The following TTC21A variants were observed in gnomAD, a reference collection of about 807,000 sequenced individuals.
TTC21A encodes tetratricopeptide repeat domain 21A, also known as tetratricopeptide repeat protein 21A.
In TTC21A, 128 loss-of-function variants were observed where a neutral mutation model predicts 156.4. The ratio of observed to expected loss-of-function variants is 0.82; its 90% confidence interval spans 0.71 to 0.95. The LOEUF (loss-of-function observed/expected upper bound fraction) is 0.95, where lower values mean the gene tolerates loss of function less well. Among genes scored for constraint, TTC21A ranks in the 40% least tolerant of loss-of-function variants. TTC21A has a pLI of 0.00. For missense variants in TTC21A, 1,435 were observed against 1,602.3 expected (o/e 0.90, Z 1.78); for synonymous variants, 587 against 617.1 (o/e 0.95, Z 0.72).
chr3:39,128,011 G>A (rs1453790914), intron 12 of TTC21A, among the ~76,000 whole-genome samples: 1 of 152,164 alleles, frequency 6.6e-6, no homozygotes, highest in Non-Finnish European at 1.5e-5. Flanking sequence ...TCTTAGGTGT[G>A]GGAATTGAGA....
intron 9 of TTC21A, among the ~76,000 whole-genome samples, 194 bp downstream of exon 9, chr3:39,121,383 A>G (rs2037756568): frequency 6.6e-6 from 1 of 152,216 alleles, no homozygotes; most frequent in African/African-American, 2.4e-5. Flanking sequence ...GCTCAGAGGT[A>G]TGATCAGAGT....
rs74881739 is a variant in TTC21A, at chr3:39,118,705, G to A, written c.801+552G>A. On this transcript the variant is annotated intron_variant, in intron 7 of 28. Transcript: ENST00000683103. ...AAGAAACCAAAAATAGCCCTCAAAT[G>A]CAGTCAGAAACACCTAGAATTCTTA... is the stretch of plus-strand genomic sequence containing the variant. 1,356 of 154,038 alleles carry A rather than the reference G, an allele frequency of 8.8e-3. 9 individuals carry two copies. The highest frequency in any genetic ancestry group is 0.015 in the Non-Finnish European group (1,040 of 69,136). The allele number at this position is 154,038 out of a possible 1,614,324, so 9.5% of individuals were successfully genotyped here. A position where few individuals can be genotyped will look rare whatever the true frequency, so the allele number is the denominator to read the frequency against.
intron 4 of TTC21A, among the ~76,000 whole-genome samples, chr3:39,111,713 T>TA (rs1307185839): frequency 1.3e-5 from 2 of 152,166 alleles, no homozygotes; most frequent in African/African-American, 4.8e-5. Flanking sequence ...AATACACAGA[T>TA]ACGGTATATC....
chr3:39,118,117 C>T lies in TTC21A; in HGVS notation c.765C>T (p.Thr255=), dbSNP rs765583659. ...ATATTGATGCCTGCCAAATTCTAAC[C>T]GTGCATGAGCTTGCAAGAGAAGGAA... ...ESNIDACQIL[T]VHELAREGNM... Residue 255 remains threonine (T), a synonymous_variant, in exon 7 of 29, where the codon ACC becomes ACT. Coordinates refer to ENST00000683103, the MANE Select transcript of TTC21A (RefSeq NM_001366900.1). 4.3e-5 allele frequency: 70 copies of T among 1,614,008 alleles called. 2 individuals carry two copies. The South Asian group carries it at 4.5e-4, about 10-fold the overall frequency.
In TTC21A at chr3:39,136,347, C is replaced by T. The variant is rs755653751; in HGVS notation, c.2945-10C>T. On this transcript the variant is annotated splice_polypyrimidine_tract_variant and intron_variant, in intron 22 of 28. Transcript: ENST00000683103. ...CATTTCAGCCTGGAGATTTCTGTCTCTTATTTTAGACAATTTTTTGGTATT... is the reference window on the plus strand; with the variant it reads ...CATTTCAGCCTGGAGATTTCTGTCTTTTATTTTAGACAATTTTTTGGTATT... 5.0e-6 allele frequency: 8 copies of T among 1,609,196 alleles called. No individual in the cohort carries two copies. The highest frequency in any genetic ancestry group is 3.4e-5 in the Admixed American group (2 of 59,542).
chr3:39,117,729 A>C (rs763134360), intron 6 of TTC21A, among the ~76,000 whole-genome samples: 11 of 152,170 alleles, frequency 7.2e-5, no homozygotes, highest in Non-Finnish European at 1.0e-4. Flanking sequence ...TTGCTCTGCT[A>C]TTCCTAGGAT....
intron 9 of TTC21A, among the ~76,000 whole-genome samples, chr3:39,123,853 C>G (rs1006603616): frequency 2.6e-5 from 4 of 151,922 alleles, no homozygotes; most frequent in Non-Finnish European, 2.9e-5. Context: ...ATCACCCCCC[C>G]CAAAAAAACC....
chr3:39,110,742 T>C, intron 3 of TTC21A, 109 bp from the exon 4 acceptor site: 1 of 1,143,532 alleles, frequency 8.7e-7, no homozygotes. Flanking sequence ...AGATCCACAG[T>C]GTCTGGGGGA....
chr3:39,114,674 C>T lies in TTC21A; in HGVS notation c.648C>T (p.Ala216=). 1 of 1,614,188 alleles carries T rather than the reference C, an allele frequency of 6.2e-7. No homozygotes were observed. The highest frequency in any genetic ancestry group is 1.7e-5 in the Admixed American group (1 of 60,026). The change falls in exon 6 of 29, where the codon GCC becomes GCT. Residue 216 remains alanine, a synonymous_variant. Coordinates refer to ENST00000683103, the MANE Select transcript of TTC21A (RefSeq NM_001366900.1). The part of the protein sequence containing the change: ...ITVTSGSFLP[A]LVLKMQLFLA... ...TGACTTCAGGGAGCTTCCTGCCAGC[C>T]CTCGTCCTGAAGATGCAGCTGTTCT...
chr3:39,136,642 A>C, intron 23 of TTC21A, 135 bp downstream of exon 23: 1 of 1,196,730 alleles, frequency 8.4e-7, no homozygotes, highest in Non-Finnish European at 1.2e-6. Context: ...GTGAGGGCCC[A>C]TGGGGGCAGG....
Position 39,137,053 on chromosome 3 carries a change from G to A in TTC21A, c.3250G>A (p.Glu1084Lys). The change falls in exon 24 of 29, where the codon GAG (glutamate) becomes AAG (lysine). Residue 1084 changes from glutamate (E) to lysine (K), a missense_variant. By Grantham distance (56) the Glu-to-Lys change is moderately conservative. Transcript: ENST00000683103. ...AGAGGCTTTTGAGAACCAGGGAGCT[G>A]AGAGCAAGTAAGGGCCCATGGAGGC... ...GGEAFENQGA[E>K]SNYMEKKELE... The A allele has an allele frequency of 6.2e-7, 1 of 1,612,158 alleles. No homozygotes were observed. The highest frequency in any genetic ancestry group is 8.5e-7 in the Non-Finnish European group (1 of 1,179,324).
At chr3:39,123,129 A>G (rs113219199) in intron 9 of TTC21A, among the ~76,000 whole-genome samples, 1 of 152,230 alleles carries the variant, frequency 6.6e-6, no homozygotes, top group Non-Finnish European at 1.5e-5. Flanking sequence ...TATTATGTCA[A>G]TAAGTAAAGA....
At chr3:39,121,714 G>A (rs570467174) in intron 9 of TTC21A, among the ~76,000 whole-genome samples, 4 of 152,048 alleles carry the variant, frequency 2.6e-5, no homozygotes, top group African/African-American at 7.3e-5. Flanking sequence ...TCCATTTTAC[G>A]CATTTTTTAA....
rs1258397257 is a variant in TTC21A, at chr3:39,126,200, C to G, written c.1393-61C>G. The G allele has an allele frequency of 3.8e-6, 6 of 1,599,166 alleles. No individual in the cohort carries two copies. The African/African-American group carries it at 8.1e-5, about 21-fold the overall frequency. ...TCACTGAGAGCATTTTCTGAGAGCTCCAGGAGTCTCTCTTAGAATAGGGCA... is the reference window on the plus strand; with the variant it reads ...TCACTGAGAGCATTTTCTGAGAGCTGCAGGAGTCTCTCTTAGAATAGGGCA... On this transcript the variant is annotated intron_variant, in intron 11 of 28. Coordinates refer to ENST00000683103, the MANE Select transcript of TTC21A (RefSeq NM_001366900.1).
At position 39,110,342 on chromosome 3, in the gene TTC21A, G is replaced by A. The variant is rs74460402; in HGVS notation, c.268+203G>A. 1,209 of 635,208 alleles carry A rather than the reference G, an allele frequency of 1.9e-3. 9 individuals are homozygous for A. The highest frequency in any genetic ancestry group is 0.016 in the African/African-American group (896 of 55,536). The allele number at this position is 635,208 out of a possible 1,614,324, so 39.3% of individuals were successfully genotyped here. On this transcript the variant is annotated intron_variant, in intron 3 of 28. Transcript: ENST00000683103. ...ACTCCATGCCTGGGCCCAACTGAGTGGAAGCAGGCAGAGCCCATGACAGTG... is the reference window on the plus strand; with the variant it reads ...ACTCCATGCCTGGGCCCAACTGAGTAGAAGCAGGCAGAGCCCATGACAGTG...
chr3:39,131,145 G>T (rs750097157), intron 19 of TTC21A, 50 bp downstream of exon 19: 1 of 1,488,824 alleles, frequency 6.7e-7, no homozygotes, highest in African/African-American at 1.4e-5. Flanking sequence ...GCTGATGGGG[G>T]CTGAAGGAGG....
intron 12 of TTC21A, 31 bp downstream of exon 12, chr3:39,126,421 G>A (rs745800196): frequency 6.2e-7 from 1 of 1,611,346 alleles, no homozygotes; most frequent in Non-Finnish European, 8.5e-7. Context: ...GCCGGGTGGG[G>A]CCTTGCAAAC....
rs551975445 is a variant in TTC21A at position 39,134,416 on chromosome 3, G to A, written c.2862+88G>A. On this transcript the variant is annotated intron_variant, in intron 21 of 28. Coordinates refer to ENST00000683103, the MANE Select transcript of TTC21A (RefSeq NM_001366900.1). The surrounding 1 kb of genome is among the most constrained non-coding windows in gnomAD (Gnocchi z 4.6). Reference sequence around the variant, plus strand: ...CAGATGCAGGCTACTTCCTAGCCCCGTAACCTCAGATGCCTCACTGACACA... The same window carrying A: ...CAGATGCAGGCTACTTCCTAGCCCCATAACCTCAGATGCCTCACTGACACA... 6 of 938,630 alleles carry A rather than the reference G, an allele frequency of 6.4e-6. No homozygotes were observed. In the East Asian group the frequency reaches 7.2e-5, roughly 11 times the overall value. The allele number at this position is 938,630 out of a possible 1,614,324, so 58.1% of individuals were successfully genotyped here.
intron 9 of TTC21A, among the ~76,000 whole-genome samples, chr3:39,121,881 C>T (rs910488252): frequency 1.3e-5 from 2 of 152,176 alleles, no homozygotes; most frequent in Non-Finnish European, 2.9e-5. Context: ...TTCTAAACTC[C>T]AGGCTCCTCA....
Sources: gnomAD v4.1 joint callset for allele counts (sites outside exome capture counted in the v4.1 genomes callset) on GRCh38, gnomAD v4.1.1 for gene constraint, Gnocchi (gnomAD v3.1) non-coding constraint, MANE v1.5 for transcripts, NCBI Gene and HGNC (gene_info 2026-07-23, HGNC 2026-07-21) for gene names.